Variants in TLN2 observed in about 807,000 individuals in gnomAD.
The protein encoded by TLN2 is talin 2.
TLN2 carries 118 observed loss-of-function variants against 294.7 expected under a neutral mutation model. The observed-to-expected ratio is 0.40, with a 90% CI of 0.34 to 0.47. TLN2 has a LOEUF of 0.47. Ranked by LOEUF, TLN2 falls within the 20% of genes least tolerant of loss-of-function variation. TLN2 has a pLI of 0.84. For synonymous variants in TLN2, 1,431 were observed against 1,304.5 expected (o/e 1.10, Z -2.09); for missense variants, 3,083 against 3,282.2 (o/e 0.94, Z 1.48).
chr15:62,638,458 T>C, intron 3 of TLN2: 1 of 445,732 alleles, frequency 2.2e-6, no homozygotes, highest in South Asian at 1.6e-5. Context: ...AAGAACTACC[T>C]GGCAATGGGA....
At chr15:62,827,547 A>G (rs2068332461) in intron 54 of TLN2, 1 of 152,150 alleles carries the variant, frequency 6.6e-6, no homozygotes. Context: ...AACAGTGACT[A>G]CCACCCGGAT....
intron 1 of TLN2, among the ~76,000 whole-genome samples, chr15:62,444,025 C>T (rs1175750721): frequency 1.3e-5 from 2 of 152,132 alleles, no homozygotes; most frequent in Non-Finnish European, 2.9e-5. Flanking sequence ...TCTAGCAGTT[C>T]ATTGATGTTA....
intron 2 of TLN2, among the ~76,000 whole-genome samples, chr15:62,605,720 C>G (rs372110296): frequency 3.9e-5 from 6 of 152,186 alleles, no homozygotes; most frequent in African/African-American, 1.4e-4. Flanking sequence ...GGTTGAACAC[C>G]AGAGTCACCT....
At chr15:62,684,928 G>A (rs1418803912) in intron 11 of TLN2, among the ~76,000 whole-genome samples, 1 of 150,148 alleles carries the variant, frequency 6.7e-6, no homozygotes, top group Non-Finnish European at 1.5e-5. Context: ...GGTGTGTGTA[G>A]ACACATCCAC....
intron 9 of TLN2, 107 bp downstream of exon 9, chr15:62,658,005 T>C: frequency 1.8e-6 from 2 of 1,099,796 alleles, no homozygotes; most frequent in Non-Finnish European, 2.6e-6. Flanking sequence ...ATTTCAATCA[T>C]TTGTGAGAAT....
chr15:62,682,953 C>G (rs1025045819), intron 11 of TLN2: 4 of 152,196 alleles, frequency 2.6e-5, no homozygotes, highest in Admixed American at 2.0e-4. Flanking sequence ...ATCTCAGAAT[C>G]CCAAGTTCAG....
chr15:62,801,993 T>C (rs1034574864), intron 50 of TLN2, among the ~76,000 whole-genome samples: 1 of 152,224 alleles, frequency 6.6e-6, no homozygotes. Context: ...TTTTTAAATG[T>C]ACAATTAAAT....
intron 1 of TLN2, among the ~76,000 whole-genome samples, chr15:62,444,669 C>A (rs533816851): frequency 6.6e-6 from 1 of 152,198 alleles, no homozygotes; most frequent in Admixed American, 6.5e-5. Context: ...GTGTTGGAGT[C>A]ATTTGCTTCT....
intron 1 of TLN2, among the ~76,000 whole-genome samples, chr15:62,514,587 G>C (rs1277379424): frequency 6.6e-6 from 1 of 152,192 alleles, no homozygotes; most frequent in East Asian, 1.9e-4. Flanking sequence ...CAGTTCATGG[G>C]CATTGACTTT....
intron 1 of TLN2, among the ~76,000 whole-genome samples, chr15:62,431,479 A>T (rs2035007699): frequency 6.6e-6 from 1 of 152,214 alleles, no homozygotes; most frequent in East Asian, 1.9e-4. Context: ...AACATATGTC[A>T]TATCCCGAAG....
At chr15:62,536,322 C>G (rs1252740321) in intron 1 of TLN2, among the ~76,000 whole-genome samples, 1 of 152,180 alleles carries the variant, frequency 6.6e-6, no homozygotes, top group Non-Finnish European at 1.5e-5. Context: ...TCCCAAGGCA[C>G]TCACTTCCAG....
intron 45 of TLN2, among the ~76,000 whole-genome samples, chr15:62,789,652 G>A (rs565121782): frequency 6.6e-6 from 1 of 152,240 alleles, no homozygotes; most frequent in African/African-American, 2.4e-5. Context: ...ACTCTCAAGG[G>A]GATTTAAGAT....
At chr15:62,425,436 G>A (rs17205729) in intron 1 of TLN2, among the ~76,000 whole-genome samples, 4,697 of 152,146 alleles carry the variant, frequency 0.031, 91 homozygotes, top group Middle Eastern at 0.068. Flanking sequence ...CCTTGACCTC[G>A]CCTAGCAGTT....
chr15:62,805,376 A>G lies in TLN2; in HGVS notation c.6478-224A>G, dbSNP rs144392770. 2.6e-5 allele frequency among the ~76,000 whole-genome samples: 4 copies of G among 152,214 alleles called. No homozygotes were observed. The East Asian group carries it at 7.7e-4, about 29-fold the overall frequency. On this transcript the variant is annotated intron_variant, in intron 50 of 58. Coordinates refer to ENST00000636159, the MANE Select transcript of TLN2 (RefSeq NM_015059.3). ...ACTCTAGATACGTCTCCCTCACCAT[A>G]TTGTTCCCATGAATGTTTAGTGTAG...
intron 51 of TLN2, among the ~76,000 whole-genome samples, chr15:62,806,045 AACC>A (rs1222381486): frequency 6.6e-6 from 1 of 152,124 alleles, no homozygotes; most frequent in Non-Finnish European, 1.5e-5. Flanking sequence ...TTTTTTAAGT[AACC>A]AAGTGTGGTG....
intron 45 of TLN2, among the ~76,000 whole-genome samples, chr15:62,789,217 A>G (rs1232956500): frequency 1.3e-5 from 2 of 152,164 alleles, no homozygotes; most frequent in Admixed American, 1.3e-4. Context: ...CTGAGCCTCA[A>G]GGGGGTCTCC....
In TLN2 at chr15:62,492,862, G is replaced by A. The variant is rs189787221; in HGVS notation, c.-237-96825G>A. ...AGCAGAAAAATCTTGGTAAATCCTT[G>A]TGTCTCTAATAGTCCTTGAAAGAGG... On this transcript the variant is annotated intron_variant, in intron 1 of 58. Coordinates refer to ENST00000636159, the MANE Select transcript of TLN2 (RefSeq NM_015059.3). Among the ~76,000 whole-genome samples, 4 of 152,220 alleles carry A rather than the reference G, an allele frequency of 2.6e-5. No individual in the cohort carries two copies. In the South Asian group the frequency reaches 6.2e-4, roughly 24 times the overall value.
intron 1 of TLN2, among the ~76,000 whole-genome samples, chr15:62,436,217 C>T (rs1359396301): frequency 6.6e-6 from 1 of 152,156 alleles, no homozygotes; most frequent in Non-Finnish European, 1.5e-5. Flanking sequence ...TTCCACGTTC[C>T]CTCTGAGTTC....
At chr15:62,833,296 T>A (rs2069072946) in intron 54 of TLN2, 2 of 651,438 alleles carry the variant, frequency 3.1e-6, no homozygotes, top group Non-Finnish European at 5.0e-6. Flanking sequence ...CGAGGGTGGC[T>A]TAACCAAACT....
Sources: allele counts gnomAD v4.1 joint callset (sites outside exome capture counted in the v4.1 genomes callset), GRCh38; gene constraint gnomAD v4.1.1; transcripts MANE v1.5; gene names NCBI Gene and HGNC (gene_info 2026-07-23, HGNC 2026-07-21).